The following ERICH5 variants were observed in gnomAD, a reference collection of about 807,000 sequenced individuals.
ERICH5 encodes glutamate rich 5.
Under a neutral mutation model 28.0 loss-of-function variants are expected in ERICH5, and 24 were observed. The ratio of observed to expected loss-of-function variants is 0.86; its 90% CI spans 0.62 to 1.21. ERICH5 has a LOEUF of 1.21. Among genes scored for constraint, ERICH5 ranks in the 50% most tolerant of loss-of-function variants. The probability of loss-of-function intolerance (pLI) is 0.00; values close to 1 mark genes in which losing one functional copy is unlikely to be tolerated. For synonymous variants in ERICH5, 163 were observed against 157.6 expected, an observed-to-expected ratio of 1.03 and a Z score of -0.25; for missense variants, 421 against 441.2, an observed-to-expected ratio of 0.95 and a Z score of 0.41.
chr8:98,075,961 A>G (rs944317356), intron 1 of ERICH5, among the ~76,000 whole-genome samples: 1 of 151,358 alleles, frequency 6.6e-6, no homozygotes, highest in Non-Finnish European at 1.5e-5. Flanking sequence ...ACAGAGTGAA[A>G]CATAGACACA....
At chr8:98,070,004 T>A in intron 1 of ERICH5, among the ~76,000 whole-genome samples, 1 of 152,136 alleles carries the variant, frequency 6.6e-6, no homozygotes, top group Middle Eastern at 3.2e-3. Context: ...AAACATTAAT[T>A]GCACCAAATA....
chr8:98,079,529 T>C (rs1017535064), intron 1 of ERICH5, among the ~76,000 whole-genome samples: 1 of 152,108 alleles, frequency 6.6e-6, no homozygotes, highest in African/African-American at 2.4e-5. Flanking sequence ...ACATTATAAG[T>C]ACTTTTATTT....
rs760470751 is a variant in ERICH5, at chr8:98,085,136, C to CTTTTTTTTTTTTTTTT, written c.59-3913_59-3898dup. The stretch of plus-strand genomic sequence containing the variant: ...TTCCCTGGTGTGAACGTTCCACAGC[C>CTTTTTTTTTTTTTTTT]TTTTTTTTTTTTTTTTTTTTTTTTT... On this transcript the variant is annotated intron_variant, in intron 1 of 2. Coordinates refer to ENST00000318528, the MANE Select transcript of ERICH5 (RefSeq NM_173549.3). Among the ~76,000 whole-genome samples the CTTTTTTTTTTTTTTTT allele has an allele frequency of 3.7e-4, 21 of 57,318 alleles. 8 individuals carry two copies. The highest frequency in any genetic ancestry group is 7.4e-4 in the Non-Finnish European group (21 of 28,402). The allele number at this position is 57,318 out of a possible 152,430, so 37.6% of individuals were successfully genotyped here. A position where few individuals can be genotyped will look rare whatever the true frequency, so the allele number is the denominator to read the frequency against.
Position 98,073,460 on chromosome 8 carries a change from GTATA to G in ERICH5, c.58+8755_58+8758del, listed in dbSNP as rs1321366335. Among the ~76,000 whole-genome samples the G allele has an allele frequency of 9.0e-4, 13 of 14,366 alleles. 2 individuals carry two copies. In the South Asian group the frequency reaches 0.028, roughly 31 times the overall value. The allele number at this position is 14,366 out of a possible 152,430, so 9.4% of individuals were successfully genotyped here. A position where few individuals can be genotyped will look rare whatever the true frequency, so the allele number is the denominator to read the frequency against. Reference sequence around the variant, plus strand: ...TATATATATATATATATATATATATGTATATATATATATATATATATATATGTAT... The same window carrying G: ...TATATATATATATATATATATATATGTATATATATATATATATATATGTAT... On this transcript the variant is annotated intron_variant, in intron 1 of 2. Coordinates refer to ENST00000318528, the MANE Select transcript of ERICH5 (RefSeq NM_173549.3).
intron 1 of ERICH5, among the ~76,000 whole-genome samples, chr8:98,070,540 G>A (rs369047037): frequency 1.5e-4 from 23 of 149,808 alleles, no homozygotes; most frequent in African/African-American, 5.7e-4. Context: ...TTTTTTACTG[G>A]TATGCTGATG....
chr8:98,091,993 CCCTT>C lies in ERICH5; in HGVS notation c.1013-1199_1013-1196del, dbSNP rs377455843. On this transcript the variant is annotated intron_variant, in intron 2 of 2. Transcript: ENST00000318528. ...TTTCTTTTTCTTCTCTCTCTCTCTC[CCCTT>C]CCTTCCTTCCTTCCTTCCTTCCTTC... Among the ~76,000 whole-genome samples the C allele has an allele frequency of 3.5e-4, 19 of 55,020 alleles. 1 individual carries two copies. The highest frequency in any genetic ancestry group is 9.9e-4 in the African/African-American group (14 of 14,200). 36.1% of individuals were successfully genotyped at this position (55,020 alleles called of 152,430 possible).
rs896937175 is a variant in ERICH5, at chr8:98,064,621, C to G, written c.-49C>G. 1 of 1,455,378 alleles carries G rather than the reference C, an allele frequency of 6.9e-7. No homozygotes were observed. The highest frequency in any genetic ancestry group is 2.2e-5 in the Admixed American group (1 of 45,346). The allele number at this position is 1,455,378 out of a possible 1,614,324, so 90.2% of individuals were successfully genotyped here. A position where few individuals can be genotyped will look rare whatever the true frequency, so the allele number is the denominator to read the frequency against. On this transcript the variant is annotated 5_prime_UTR_variant, in exon 1 of 3. Transcript: ENST00000318528. ...GTGCAGTTGCCTTCGGTTCCCGGTT[C>G]CGGGCCGACACCCGCGCAGGGCTGA... is the stretch of plus-strand genomic sequence containing the variant.
At chr8:98,082,386 C>A (rs1815198846) in intron 1 of ERICH5, among the ~76,000 whole-genome samples, 1 of 152,164 alleles carries the variant, frequency 6.6e-6, no homozygotes, top group African/African-American at 2.4e-5. Context: ...TGGCTCCTGC[C>A]TGTAATCCCA....
In ERICH5 at chr8:98,089,833, C is replaced by T. The variant is rs1815349794; in HGVS notation, c.816C>T (p.Asp272=). 6.2e-7 allele frequency: 1 copy of T among 1,613,986 alleles called. No homozygotes were observed. ...AGAATGTAACACCAGAAGTATTGGA[C>T]AGAAGTCAGCTTGTGGAAAAGCCTG... The part of the protein sequence containing the change: ...PKENVTPEVL[D]RSQLVEKPVM... The change falls in exon 2 of 3, where the codon GAC becomes GAT. Residue 272 remains aspartate, a synonymous_variant. Transcript: ENST00000318528.
chr8:98,078,954 T>A (rs1815113904), intron 1 of ERICH5, among the ~76,000 whole-genome samples: 1 of 152,196 alleles, frequency 6.6e-6, no homozygotes, highest in Non-Finnish European at 1.5e-5. Flanking sequence ...CAAGTTAGCC[T>A]GCTAGAAGAA....
intron 1 of ERICH5, among the ~76,000 whole-genome samples, chr8:98,084,611 C>A (rs1355618000): frequency 6.6e-6 from 1 of 152,034 alleles, no homozygotes; most frequent in African/African-American, 2.4e-5. Flanking sequence ...GAACTCCGGA[C>A]CTCAGGTGAT....
chr8:98,065,603 A>G (rs1019176443), intron 1 of ERICH5, among the ~76,000 whole-genome samples: 7 of 152,252 alleles, frequency 4.6e-5, no homozygotes, highest in Non-Finnish European at 8.8e-5. Flanking sequence ...TCTGACAGTG[A>G]TAAGTACTGT....
At chr8:98,067,105 G>A (rs934332491) in intron 1 of ERICH5, among the ~76,000 whole-genome samples, 2 of 152,058 alleles carry the variant, frequency 1.3e-5, no homozygotes, top group Non-Finnish European at 2.9e-5. Flanking sequence ...TTTATCCAAG[G>A]TCACAGAGCT....
chr8:98,092,453 C>T lies in ERICH5; in HGVS notation c.1013-768C>T, dbSNP rs1381688035. ...CTGGGATTATAGGCGTGAGCCACCA[C>T]GCCCAGCTGTCCAGCTAATTTTTGA... On this transcript the variant is annotated intron_variant, in intron 2 of 2. Coordinates refer to ENST00000318528, the MANE Select transcript of ERICH5 (RefSeq NM_173549.3). 2.0e-5 allele frequency among the ~76,000 whole-genome samples: 3 copies of T among 152,184 alleles called. No homozygotes were observed. The South Asian group carries it at 6.2e-4, about 32-fold the overall frequency.
At position 98,093,236 on chromosome 8, in the gene ERICH5, AGGT is replaced by A; in HGVS notation, c.1031_1033del (p.Val344del). Reference sequence around the variant, plus strand: ...ACTTTTCCAGGTGAGACAGGGGAAAAGGTGGAAACAGACATGGAGAATGAGAAA... The same window carrying A: ...ACTTTTCCAGGTGAGACAGGGGAAAAGGAAACAGACATGGAGAATGAGAAA... On this transcript the variant is annotated inframe_deletion, in exon 3 of 3. Coordinates refer to ENST00000318528, the MANE Select transcript of ERICH5 (RefSeq NM_173549.3). 2.5e-6 allele frequency: 4 copies of A among 1,612,406 alleles called. No individual in the cohort carries two copies. The highest frequency in any genetic ancestry group is 1.7e-4 in the Middle Eastern group (1 of 6,058).
chr8:98,093,333 G>T lies in ERICH5; in HGVS notation c.1125G>T (p.Ter375TyrextTer4). The T allele has an allele frequency of 6.2e-7, 1 of 1,608,302 alleles. No homozygotes were observed. Among genetic ancestry groups the T allele is most frequent in the Non-Finnish European group, 8.5e-7 (1 of 1,175,132 alleles). ...GEVVDLSAAT* is the reference protein window; with the variant it reads ...GEVVDLSAATY ...TGGTGGACCTTTCAGCAGCCACATA[G>T]ATAGAAGAGTGAACCGACACAGTGT... Residue 375 changes from the stop codon to tyrosine, a stop_lost, in exon 3 of 3, where the codon TAG becomes TAT. Coordinates refer to ENST00000318528, the MANE Select transcript of ERICH5 (RefSeq NM_173549.3).
chr8:98,080,209 T>G (rs1357650382), intron 1 of ERICH5, among the ~76,000 whole-genome samples: 1 of 152,202 alleles, frequency 6.6e-6, no homozygotes, highest in Non-Finnish European at 1.5e-5. Flanking sequence ...ATTACACACA[T>G]TATCCACTCT....
chr8:98,068,450 T>C lies in ERICH5; in HGVS notation c.58+3723T>C, dbSNP rs1677767918. ...TTTTTATGACGTGCCCTGAAATGTGTGAGGAAAGAGACTTTTCATTCCAAA... is the reference window on the plus strand; with the variant it reads ...TTTTTATGACGTGCCCTGAAATGTGCGAGGAAAGAGACTTTTCATTCCAAA... On this transcript the variant is annotated intron_variant, in intron 1 of 2. Transcript: ENST00000318528. 3.9e-5 allele frequency among the ~76,000 whole-genome samples: 6 copies of C among 152,324 alleles called. 1 individual carries two copies. The South Asian group carries it at 1.2e-3, about 32-fold the overall frequency.
In ERICH5 at chr8:98,085,136, C is replaced by CTTTTTTTTTTTTTTTTTTTTT. The variant is rs760470751; in HGVS notation, c.59-3918_59-3898dup. 3.5e-5 allele frequency among the ~76,000 whole-genome samples: 2 copies of CTTTTTTTTTTTTTTTTTTTTT among 57,318 alleles called. 1 individual carries two copies. The allele number at this position is 57,318 out of a possible 152,430, so 37.6% of individuals were successfully genotyped here. ...TTCCCTGGTGTGAACGTTCCACAGC[C>CTTTTTTTTTTTTTTTTTTTTT]TTTTTTTTTTTTTTTTTTTTTTTTT... is the stretch of plus-strand genomic sequence containing the variant. On this transcript the variant is annotated intron_variant, in intron 1 of 2. Coordinates refer to ENST00000318528, the MANE Select transcript of ERICH5 (RefSeq NM_173549.3).
Sources: gnomAD v4.1 joint callset for allele counts (sites outside exome capture counted in the v4.1 genomes callset) on GRCh38, gnomAD v4.1.1 for gene constraint, MANE v1.5 for transcripts, NCBI Gene and HGNC (gene_info 2026-07-23, HGNC 2026-07-21) for gene names.